The following SPINDOC variants were observed in gnomAD, a reference collection of about 807,000 sequenced individuals.
SPINDOC encodes the protein spindlin interactor and repressor of chromatin-binding protein.
Under a neutral mutation model 30.7 loss-of-function variants are expected in SPINDOC, and 13 were observed. That is an observed-to-expected ratio of 0.42 (90% CI 0.28 to 0.67). SPINDOC has a LOEUF of 0.67. Ranked by LOEUF, SPINDOC falls within the 30% of genes least tolerant of loss-of-function variation. The probability of loss-of-function intolerance (pLI) is 0.22; values close to 1 mark genes in which losing one functional copy is unlikely to be tolerated. For synonymous variants in SPINDOC, 228 were observed against 211.4 expected, an observed-to-expected ratio of 1.08 and a Z score of -0.68; for missense variants, 438 against 518.0, an observed-to-expected ratio of 0.85 and a Z score of 1.50.
intron 5 of SPINDOC, chr11:63,822,622 T>C (rs956153175): frequency 1.6e-6 from 2 of 1,289,140 alleles, no homozygotes; most frequent in Non-Finnish European, 1.0e-6. Context: ...CAGTTTTAAC[T>C]GTCTCAAGTT....
At chr11:63,826,872 C>T in intron 5 of SPINDOC, 56 bp from the exon 6 acceptor site, 1 of 866,044 alleles carries the variant, frequency 1.2e-6, no homozygotes, top group Non-Finnish European at 1.9e-6. Flanking sequence ...AGGGGGCATC[C>T]TCGTGGTGGG....
Position 63,818,238 on chromosome 11 carries a change from A to AGACCCAGACGCC in SPINDOC, c.481_492dup (p.Asp161_Ala164dup). On this transcript the variant is annotated inframe_insertion, in exon 3 of 6. Transcript: ENST00000294244. The surrounding 1 kb of genome is among the most constrained non-coding windows in gnomAD (Gnocchi z 5.3). Reference sequence around the variant, plus strand: ...CAGACTCGGGCCAGGATGCCCACCCAGACCCAGACGCCAACCCAGACGCTG... The same window carrying AGACCCAGACGCC: ...CAGACTCGGGCCAGGATGCCCACCCAGACCCAGACGCCGACCCAGACGCCAACCCAGACGCTG... 6.2e-7 allele frequency: 1 copy of AGACCCAGACGCC among 1,614,110 alleles called. No homozygotes were observed. Among genetic ancestry groups the AGACCCAGACGCC allele is most frequent in the Non-Finnish European group, 8.5e-7 (1 of 1,180,012 alleles).
chr11:63,814,057 G>A (rs769203585), intron 1 of SPINDOC, among the ~76,000 whole-genome samples: 2 of 152,094 alleles, frequency 1.3e-5, no homozygotes, highest in Non-Finnish European at 2.9e-5. Context: ...TGGAGACTTC[G>A]ATCCACGCCC....
Position 63,818,087 on chromosome 11 carries a change from C to A in SPINDOC, c.410C>A (p.Ala137Asp). ...CTGGAGGCCTGGAGTGAAGGGGTGG[C>A]CCTCTTGCAAGACGTGAGAGCTGAG... The part of the protein sequence containing the change: ...NILEAWSEGV[A>D]LLQDVRAEQP... Residue 137 changes from alanine to aspartate, a missense_variant, in exon 2 of 6, where the codon GCC becomes GAC. Coordinates refer to ENST00000294244, the MANE Select transcript of SPINDOC (RefSeq NM_138471.3). The surrounding 1 kb of genome is among the most constrained non-coding windows in gnomAD (Gnocchi z 5.3). 6.2e-7 allele frequency: 1 copy of A among 1,614,076 alleles called. No individual in the cohort carries two copies. The highest frequency in any genetic ancestry group is 8.5e-7 in the Non-Finnish European group (1 of 1,180,024).
chr11:63,817,528 C>A (rs1442340191), intron 1 of SPINDOC, among the ~76,000 whole-genome samples: 1 of 152,038 alleles, frequency 6.6e-6, no homozygotes, highest in Non-Finnish European at 1.5e-5. Flanking sequence ...TGGAGACCTG[C>A]AAGAATGCAG....
Position 63,818,914 on chromosome 11 carries a change from C to T in SPINDOC, c.846C>T (p.Thr282=). The change falls in exon 5 of 6, where the codon ACC becomes ACT. Residue 282 remains threonine (T), a synonymous_variant. Transcript: ENST00000294244. This position sits in a 1 kb window ranked among gnomAD's most constrained non-coding sequence, Gnocchi z 5.3. The stretch of plus-strand genomic sequence containing the variant: ...TCGTCTTGCAGCTCTTCTCCCACAC[C>T]CAGCTCAGGGGCCCAGACAGCAAGG... ...AGFVLQLFSH[T]QLRGPDSKDS... The T allele has an allele frequency of 6.2e-7, 1 of 1,614,200 alleles. No homozygotes were observed. Among genetic ancestry groups the T allele is most frequent in the African/African-American group, 1.3e-5 (1 of 75,068 alleles).
intron 1 of SPINDOC, among the ~76,000 whole-genome samples, chr11:63,816,568 A>G (rs1565074460): frequency 6.6e-6 from 1 of 152,052 alleles, no homozygotes; most frequent in African/African-American, 2.4e-5. Flanking sequence ...TATTTCTCAT[A>G]CCACCTCTTC....
chr11:63,826,444 G>A (rs1006615918), intron 5 of SPINDOC, among the ~76,000 whole-genome samples: 10 of 152,218 alleles, frequency 6.6e-5, no homozygotes, highest in South Asian at 6.2e-4. Context: ...GTGGAAGTTC[G>A]CCAGGGGTCT....
rs753145068 is a variant in SPINDOC, at chr11:63,818,968, A to G, written c.900A>G (p.Glu300=). The G allele has an allele frequency of 1.9e-6, 3 of 1,614,108 alleles. No homozygotes were observed. Among genetic ancestry groups the G allele is most frequent in the Non-Finnish European group, 1.7e-6 (2 of 1,180,036 alleles). The change falls in exon 5 of 6, where the codon GAA becomes GAG. Residue 300 remains glutamate, a synonymous_variant. Transcript: ENST00000294244. This position sits in a 1 kb window ranked among gnomAD's most constrained non-coding sequence, Gnocchi z 5.3. ...CACCCAAAGACAGGGAAGTGGCAGA[A>G]GGAGGCCTTCCCCGGGCGGAGAGCC... The part of the protein sequence containing the change: ...KDSPKDREVA[E]GGLPRAESPS...
intron 5 of SPINDOC, among the ~76,000 whole-genome samples, chr11:63,825,945 CTT>C (rs35274282): frequency 8.8e-5 from 13 of 147,102 alleles, no homozygotes; most frequent in African/African-American, 2.0e-4. Flanking sequence ...TGTAATGTAA[CTT>C]TTTTTTTTTT....
At chr11:63,820,025 C>CAG (rs2015465517) in intron 5 of SPINDOC, among the ~76,000 whole-genome samples, 1 of 152,132 alleles carries the variant, frequency 6.6e-6, no homozygotes, top group South Asian at 2.1e-4. Flanking sequence ...CAGACACCTC[C>CAG]AGGGGACACC....
intron 5 of SPINDOC, chr11:63,822,662 C>T (rs1208768065): frequency 2.3e-6 from 3 of 1,288,976 alleles, no homozygotes; most frequent in South Asian, 2.5e-5. Flanking sequence ...AGTCCTGGCT[C>T]CCTGAGACCG....
chr11:63,818,585 C>A lies in SPINDOC; in HGVS notation c.666C>A (p.Pro222=), dbSNP rs758560691. ...CCCGTGGTCAGAGATGGAAGGAACCCCCAGGGGAAGAGCCAGTCAGAAAGA... is the reference window on the plus strand; with the variant it reads ...CCCGTGGTCAGAGATGGAAGGAACCACCAGGGGAAGAGCCAGTCAGAAAGA... ...KKPRGQRWKE[P]PGEEPVRKKR... Residue 222 remains proline (P), a synonymous_variant, in exon 4 of 6, where the codon CCC becomes CCA. Transcript: ENST00000294244. The surrounding 1 kb of genome is among the most constrained non-coding windows in gnomAD (Gnocchi z 5.3). 3.7e-6 allele frequency: 6 copies of A among 1,613,658 alleles called. No homozygotes were observed. Among genetic ancestry groups the A allele is most frequent in the Admixed American group, 1.7e-5 (1 of 60,012 alleles).
chr11:63,817,774 G>C (rs1174931952), intron 1 of SPINDOC, 31 bp from the exon 2 acceptor site: 2 of 1,514,284 alleles, frequency 1.3e-6, no homozygotes, highest in South Asian at 1.3e-5. Context: ...GGCACCTTTA[G>C]TGATAACACC....
In SPINDOC at chr11:63,813,698, G is replaced by A. The variant is rs755020637; in HGVS notation, c.12G>A (p.Lys4=). The A allele has an allele frequency of 1.3e-6, 2 of 1,576,948 alleles. No homozygotes were observed. Among genetic ancestry groups the A allele is most frequent in the Non-Finnish European group, 1.7e-6 (2 of 1,164,524 alleles). The change falls in exon 1 of 6, where the codon AAG becomes AAA. Residue 4 remains lysine, a synonymous_variant. Transcript: ENST00000294244. MAL[K]AEGAALDCFE... is the part of the protein sequence containing the mutation. ...CCCACGGCCGCACCATGGCCCTAAA[G>A]GCCGAGGGCGCCGCACTCGACTGCT...
Position 63,826,959 on chromosome 11 carries a change from T to G in SPINDOC, c.966T>G (p.Asp322Glu). The G allele has an allele frequency of 6.3e-7, 1 of 1,599,576 alleles. No homozygotes were observed. The highest frequency in any genetic ancestry group is 8.6e-7 in the Non-Finnish European group (1 of 1,167,108). ...CTCCGGGGCTCCGCGGGACACTGGA[T>G]CTCCAGGTTATCCGCGTGCGGATGG... ...APPPGLRGTL[D>E]LQVIRVRMEE... The change falls in exon 6 of 6, where the codon GAT (aspartate) becomes GAG (glutamate). Residue 322 changes from aspartate to glutamate, a missense_variant. Asp to Glu is a conservative substitution (Grantham distance 45). Coordinates refer to ENST00000294244, the MANE Select transcript of SPINDOC (RefSeq NM_138471.3).
chr11:63,823,397 A>G, intron 5 of SPINDOC: 1 of 1,147,256 alleles, frequency 8.7e-7, no homozygotes, highest in South Asian at 1.6e-5. Context: ...TCGTGGATTT[A>G]ACAGTTGGAA....
chr11:63,815,890 C>G (rs1320003357), intron 1 of SPINDOC, among the ~76,000 whole-genome samples: 1 of 152,080 alleles, frequency 6.6e-6, no homozygotes, highest in Non-Finnish European at 1.5e-5. Context: ...GCCTCAACCT[C>G]CCGAGTAACT....
chr11:63,819,034 G>A (rs2015435332), intron 5 of SPINDOC, 32 bp downstream of exon 5: 2 of 1,493,110 alleles, frequency 1.3e-6, no homozygotes, highest in Non-Finnish European at 1.8e-6. Flanking sequence ...GCACAGTAGG[G>A]ACCTCGCAGG....
Sources: allele counts gnomAD v4.1 joint callset (sites outside exome capture counted in the v4.1 genomes callset), GRCh38; gene constraint gnomAD v4.1.1; non-coding constraint Gnocchi (gnomAD v3.1); transcripts MANE v1.5; gene names NCBI Gene and HGNC (gene_info 2026-07-23, HGNC 2026-07-21).